The following ROBO1 variants were observed in gnomAD, a reference collection of about 807,000 sequenced individuals.
ROBO1 encodes roundabout homolog 1.
In ROBO1, 149 loss-of-function variants were observed where a neutral mutation model predicts 195.9. That is an observed-to-expected ratio of 0.76 (90% confidence interval 0.67 to 0.87). The LOEUF (loss-of-function observed/expected upper bound fraction) is 0.87, where lower values mean the gene tolerates loss of function less well. Ranked by LOEUF, ROBO1 falls within the 40% of genes least tolerant of loss-of-function variation. ROBO1 has a pLI of 0.00. For missense variants in ROBO1, 1,933 were observed against 2,068.3 expected (o/e 0.93, Z 1.27); for synonymous variants, 816 against 733.2 (o/e 1.11, Z -1.82).
intron 2 of ROBO1, among the ~76,000 whole-genome samples, chr3:79,209,404 G>A (rs990547704): frequency 6.6e-6 from 1 of 152,072 alleles, no homozygotes; most frequent in Non-Finnish European, 1.5e-5. Flanking sequence ...TAGACATTTA[G>A]GTTGGTTCCA....
chr3:79,725,305 C>A (rs1702872812), intron 1 of ROBO1, among the ~76,000 whole-genome samples: 1 of 143,392 alleles, frequency 7.0e-6, no homozygotes, highest in African/African-American at 2.6e-5. Context: ...CGGCTCACTG[C>A]AAGCTCCGCC....
chr3:78,928,369 T>C (rs2039328425), intron 4 of ROBO1, among the ~76,000 whole-genome samples: 3 of 152,074 alleles, frequency 2.0e-5, no homozygotes, highest in Admixed American at 1.3e-4. Flanking sequence ...TTAAGAATTA[T>C]TACCAACATG....
chr3:78,693,267 G>C (rs2107872349), intron 8 of ROBO1: 1 of 1,531,280 alleles, frequency 6.5e-7, no homozygotes, highest in Non-Finnish European at 8.8e-7. Context: ...GGACATGGAA[G>C]GGTATGGATG....
intron 2 of ROBO1, among the ~76,000 whole-genome samples, chr3:79,423,301 C>CT (rs1323452267): frequency 6.6e-6 from 1 of 152,086 alleles, no homozygotes; most frequent in Non-Finnish European, 1.5e-5. Context: ...AATGAAGGAT[C>CT]TAAAGAGCTA....
At chr3:79,136,979 C>A (rs1563383) in intron 2 of ROBO1, among the ~76,000 whole-genome samples, 71,481 of 151,734 alleles carry the variant, frequency 0.47, 18,009 homozygotes, top group Middle Eastern at 0.61. Context: ...TAAAAAATTG[C>A]CACTAAATAT....
intron 2 of ROBO1, among the ~76,000 whole-genome samples, chr3:79,426,595 T>C (rs1404643586): frequency 6.6e-6 from 1 of 152,136 alleles, no homozygotes; most frequent in Admixed American, 6.5e-5. Flanking sequence ...CTTGAACTCC[T>C]GACCTCAGGT....
chr3:78,935,277 A>G (rs550199772), intron 4 of ROBO1, among the ~76,000 whole-genome samples: 2 of 152,152 alleles, frequency 1.3e-5, no homozygotes, highest in African/African-American at 4.8e-5. Flanking sequence ...ATGTCTGCCT[A>G]GTCTGGAGGG....
At chr3:78,696,125 GAAA>G (rs34340807) in intron 8 of ROBO1, among the ~76,000 whole-genome samples, 2,973 of 108,702 alleles carry the variant, frequency 0.027, 84 homozygotes, top group African/African-American at 0.083. Context: ...GAAAGAATCA[GAAA>G]AAAAAAAAAA....
rs140392952 is a variant in ROBO1 at position 79,203,535 on chromosome 3, G to T, written c.89-77996C>A. The stretch of plus-strand genomic sequence containing the variant: ...CTCCTTGAAATTTGAGAAGTCCCTC[G>T]GAAAGGGATACTGAACTTAGGTTAA... On this transcript the variant is annotated intron_variant, in intron 2 of 30. Coordinates refer to ENST00000464233, the MANE Select transcript of ROBO1 (RefSeq NM_002941.4). Among the ~76,000 whole-genome samples, 183 of 152,234 alleles carry T rather than the reference G, an allele frequency of 1.2e-3. 1 individual carries two copies. Among genetic ancestry groups the T allele is most frequent in the African/African-American group, 4.2e-3 (175 of 41,566 alleles).
intron 1 of ROBO1, among the ~76,000 whole-genome samples, chr3:79,592,382 G>A (rs955446564): frequency 1.3e-5 from 2 of 151,952 alleles, no homozygotes; most frequent in Non-Finnish European, 2.9e-5. Context: ...TCATGATCTA[G>A]GACTAGTTCT....
chr3:78,690,307 A>G (rs1294873216), intron 8 of ROBO1, among the ~76,000 whole-genome samples: 1 of 151,882 alleles, frequency 6.6e-6, no homozygotes. Flanking sequence ...GAGGTTTAGT[A>G]GAAATTATAA....
Position 78,890,452 on chromosome 3 carries a change from C to T in ROBO1, c.499+48149G>A, listed in dbSNP as rs567749684. Among the ~76,000 whole-genome samples the T allele has an allele frequency of 8.5e-5, 13 of 152,158 alleles. No individual in the cohort carries two copies. In the East Asian group the frequency reaches 1.9e-3, roughly 23 times the overall value. Reference sequence around the variant, plus strand: ...AGGGCCATCATCAAGAATCTGACCACGCTGGAACCCGACTTCTAGACTTCA... The same window carrying T: ...AGGGCCATCATCAAGAATCTGACCATGCTGGAACCCGACTTCTAGACTTCA... On this transcript the variant is annotated intron_variant, in intron 4 of 30. Transcript: ENST00000464233.
At chr3:78,915,069 C>T (rs934697518) in intron 4 of ROBO1, among the ~76,000 whole-genome samples, 1 of 151,996 alleles carries the variant, frequency 6.6e-6, no homozygotes, top group African/African-American at 2.4e-5. Flanking sequence ...ACAGGTCCTA[C>T]CAGGGCACTC....
At chr3:79,065,670 T>G (rs2078992039) in intron 3 of ROBO1, among the ~76,000 whole-genome samples, 1 of 151,966 alleles carries the variant, frequency 6.6e-6, no homozygotes, top group Admixed American at 6.6e-5. Flanking sequence ...TTAGAATGGA[T>G]TGATACTCAT....
intron 1 of ROBO1, among the ~76,000 whole-genome samples, chr3:79,694,304 CA>C (rs71631671): frequency 1.7e-4 from 25 of 151,432 alleles, no homozygotes; most frequent in South Asian, 2.1e-4. Context: ...CCACAGTTTA[CA>C]AAAAAAATGG....
chr3:79,423,456 G>T (rs990498821), intron 2 of ROBO1, among the ~76,000 whole-genome samples: 13 of 152,084 alleles, frequency 8.5e-5, no homozygotes, highest in Admixed American at 2.6e-4. Context: ...AATCTCAAGC[G>T]ACAGCTTTAT....
chr3:79,668,151 G>T (rs1005081786), intron 1 of ROBO1, among the ~76,000 whole-genome samples: 2 of 151,666 alleles, frequency 1.3e-5, no homozygotes, highest in African/African-American at 2.4e-5. Context: ...CAAAATATTT[G>T]TAAAGCTTTA....
At chr3:79,433,054 C>T (rs1272500852) in intron 2 of ROBO1, among the ~76,000 whole-genome samples, 1 of 152,056 alleles carries the variant, frequency 6.6e-6, no homozygotes, top group African/African-American at 2.4e-5. Flanking sequence ...GTACATGTGC[C>T]GATGTGTGGG....
intron 2 of ROBO1, among the ~76,000 whole-genome samples, chr3:79,497,617 G>T (rs1265945116): frequency 6.6e-6 from 1 of 151,910 alleles, no homozygotes; most frequent in Non-Finnish European, 1.5e-5. Context: ...ATTTATTGAT[G>T]AAAAAAGATT....
Sources: gnomAD v4.1 joint callset for allele counts (sites outside exome capture counted in the v4.1 genomes callset) on GRCh38, gnomAD v4.1.1 for gene constraint, MANE v1.5 for transcripts, NCBI Gene and HGNC (gene_info 2026-07-23, HGNC 2026-07-21) for gene names.